The following BNIP3 variants were observed in gnomAD, a reference collection of about 807,000 sequenced individuals.
BNIP3 encodes the protein BCL2 interacting protein 3, also known as BCL2/adenovirus E1B 19 kDa protein-interacting protein 3.
In BNIP3, 16 loss-of-function variants were observed where a neutral mutation model predicts 23.9. That is an observed-to-expected ratio of 0.67 (90% confidence interval 0.45 to 1.01). The LOEUF (loss-of-function observed/expected upper bound fraction) is 1.01, where lower values mean the gene tolerates loss of function less well. Ranked by LOEUF, BNIP3 falls within the 50% of genes least tolerant of loss-of-function variation. The probability of loss-of-function intolerance (pLI) is 0.00; values close to 1 mark genes in which losing one functional copy is unlikely to be tolerated. For synonymous variants in BNIP3, 81 were observed against 89.3 expected, an observed-to-expected ratio of 0.91 and a Z score of 0.53; for missense variants, 198 against 248.7, an observed-to-expected ratio of 0.80 and a Z score of 1.37.
At chr10:131,973,141 G>A (rs761672169) in intron 2 of BNIP3, 23 bp from the exon 3 acceptor site, 23 of 1,605,530 alleles carry the variant, frequency 1.4e-5, no homozygotes, top group Non-Finnish European at 2.0e-5. Flanking sequence ...AATAGAATGG[G>A]AAAAACAGAA....
chr10:131,972,933 A>C, intron 3 of BNIP3, 101 bp downstream of exon 3: 2 of 1,219,974 alleles, frequency 1.6e-6, no homozygotes, highest in Non-Finnish European at 2.3e-6. Context: ...ACACCCTTAA[A>C]GCCCGACTTT....
intron 3 of BNIP3, among the ~76,000 whole-genome samples, chr10:131,972,747 C>T (rs1313392875): frequency 6.6e-6 from 1 of 152,222 alleles, no homozygotes; most frequent in Non-Finnish European, 1.5e-5. Context: ...GGGAGCCCTT[C>T]CTCCTTTCCG....
In BNIP3 at chr10:131,970,721, C is replaced by T. The variant is rs768438433; in HGVS notation, c.456G>A (p.Lys152=). The change falls in exon 5 of 6, where the codon AAG becomes AAA. Residue 152 remains lysine, a synonymous_variant. Transcript: ENST00000368636. The surrounding 1 kb of genome is among the most constrained non-coding windows in gnomAD (Gnocchi z 4.1). ...ATTCTGCAGAGAATATGCCCCCTTT[C>T]TTCATGACGCTCGTGTTCCTCATGC... The part of the protein sequence containing the change: ...TLSMRNTSVM[K]KGGIFSAEFL... 6.2e-7 allele frequency: 1 copy of T among 1,614,226 alleles called. No individual in the cohort carries two copies.
chr10:131,976,084 C>G lies in BNIP3; in HGVS notation c.47-2141G>C, dbSNP rs45482892. Among the ~76,000 whole-genome samples the G allele has an allele frequency of 6.6e-6, 1 of 152,216 alleles. No homozygotes were observed. The highest frequency in any genetic ancestry group is 1.5e-5 in the Non-Finnish European group (1 of 68,032). ...CCTCTCTGCGGTTCAAGATGCCATGCGGCCGGCTAGCCATGGCCTGCCCCT... is the reference window on the plus strand; with the variant it reads ...CCTCTCTGCGGTTCAAGATGCCATGGGGCCGGCTAGCCATGGCCTGCCCCT... On this transcript the variant is annotated intron_variant, in intron 1 of 5. Coordinates refer to ENST00000368636, the MANE Select transcript of BNIP3 (RefSeq NM_004052.4). The surrounding 1 kb of genome is among the most constrained non-coding windows in gnomAD (Gnocchi z 4.3).
chr10:131,974,926 C>T (rs1028501786), intron 1 of BNIP3, among the ~76,000 whole-genome samples: 4 of 152,176 alleles, frequency 2.6e-5, no homozygotes, highest in Non-Finnish European at 5.9e-5. Flanking sequence ...GCTAAAAGTG[C>T]AATTCTGGGA....
chr10:131,970,849 T>C lies in BNIP3; in HGVS notation c.389+15A>G. On this transcript the variant is annotated intron_variant, in intron 4 of 5. Transcript: ENST00000368636. This position sits in a 1 kb window ranked among gnomAD's most constrained non-coding sequence, Gnocchi z 4.1. ...CTGTCAAGGGGTGCCCCCGTGACAC[T>C]GAGAACACACTCACTTGGGGGGAAT... 6.2e-7 allele frequency: 1 copy of C among 1,614,172 alleles called. No individual in the cohort carries two copies.
chr10:131,973,232 C>G, intron 2 of BNIP3, 114 bp from the exon 3 acceptor site: 1 of 1,059,546 alleles, frequency 9.4e-7, no homozygotes, highest in Non-Finnish European at 1.4e-6. Flanking sequence ...TCTAGCCAGT[C>G]AGCGTACGCG....
At chr10:131,979,019 C>G (rs899040161) in intron 1 of BNIP3, among the ~76,000 whole-genome samples, 5 of 152,178 alleles carry the variant, frequency 3.3e-5, no homozygotes, top group Non-Finnish European at 7.3e-5. Context: ...CAACGGGGCT[C>G]GTTTCCCTCC....
intron 1 of BNIP3, 110 bp downstream of exon 1, chr10:131,981,651 C>T: frequency 1.6e-6 from 2 of 1,268,784 alleles, no homozygotes; most frequent in Non-Finnish European, 2.0e-6. Context: ...CTCGCCCGGC[C>T]CGCGATGCCC....
intron 1 of BNIP3, among the ~76,000 whole-genome samples, chr10:131,981,557 C>T (rs576848123): frequency 1.3e-5 from 2 of 152,346 alleles, no homozygotes; most frequent in South Asian, 2.1e-4. Context: ...AGGCCGCGAA[C>T]CCCGGGCAGT....
At chr10:131,979,528 C>T (rs1029240754) in intron 1 of BNIP3, among the ~76,000 whole-genome samples, 5 of 152,140 alleles carry the variant, frequency 3.3e-5, no homozygotes, top group African/African-American at 7.2e-5. Flanking sequence ...CCCCCGCCAC[C>T]GTGACACGGT....
In BNIP3 at chr10:131,976,131, C is replaced by T. The variant is rs1296004734; in HGVS notation, c.47-2188G>A. On this transcript the variant is annotated intron_variant, in intron 1 of 5. Coordinates refer to ENST00000368636, the MANE Select transcript of BNIP3 (RefSeq NM_004052.4). This position sits in a 1 kb window ranked among gnomAD's most constrained non-coding sequence, Gnocchi z 4.3. ...CCCTGAGAGAACGGCACCACAGCCT[C>T]TGTTTTGGCCAGCTGTCTTTCTCCG... Among the ~76,000 whole-genome samples the T allele has an allele frequency of 2.0e-5, 3 of 152,224 alleles. No homozygotes were observed. The highest frequency in any genetic ancestry group is 4.4e-5 in the Non-Finnish European group (3 of 68,040).
At chr10:131,971,082 C>A in intron 3 of BNIP3, 112 bp from the exon 4 acceptor site, 1 of 980,224 alleles carries the variant, frequency 1.0e-6, no homozygotes, top group Non-Finnish European at 1.5e-6. Flanking sequence ...AGCCCAGAGG[C>A]ACATGTCAGT....
intron 2 of BNIP3, chr10:131,973,512 G>T: frequency 2.0e-6 from 1 of 510,750 alleles, no homozygotes. Flanking sequence ...CAGCCCCGCT[G>T]AGGCGCGTGA....
intron 3 of BNIP3, among the ~76,000 whole-genome samples, chr10:131,972,082 T>TAA (rs144450751): frequency 0.019 from 2,843 of 152,288 alleles, 94 homozygotes; most frequent in African/African-American, 0.064. Flanking sequence ...CTGCCAGATA[T>TAA]AACTGAGCAA....
chr10:131,970,775 A>G lies in BNIP3; in HGVS notation c.402T>C (p.Phe134=), dbSNP rs755572711. The change falls in exon 5 of 6, where the codon TTT becomes TTC. Residue 134 remains phenylalanine (F), a synonymous_variant. Coordinates refer to ENST00000368636, the MANE Select transcript of BNIP3 (RefSeq NM_004052.4). The surrounding 1 kb of genome is among the most constrained non-coding windows in gnomAD (Gnocchi z 4.1). The stretch of plus-strand genomic sequence containing the variant: ...GGGTGGCCGTGCGCTTCGGGTGTTT[A>G]AAGAGGAACTCCCTGAGGCGGGAAG... ...PENIPPKEFL[F]KHPKRTATLS... 1.2e-6 allele frequency: 2 copies of G among 1,614,168 alleles called. No homozygotes were observed. The highest frequency in any genetic ancestry group is 2.2e-5 in the South Asian group (2 of 91,080).
chr10:131,974,081 C>T, intron 1 of BNIP3, 138 bp from the exon 2 acceptor site: 1 of 1,115,436 alleles, frequency 9.0e-7, no homozygotes, highest in Non-Finnish European at 1.3e-6. Context: ...TCAACCCCGA[C>T]TTGAAGACAT....
At chr10:131,981,408 G>A (rs1318778554) in intron 1 of BNIP3, 1 of 348,006 alleles carries the variant, frequency 2.9e-6, no homozygotes, top group Admixed American at 4.8e-5. Context: ...GGAGGGCAAC[G>A]TGGACTTTGA....
rs2037080394 is a variant in BNIP3 at position 131,976,749 on chromosome 10, G to A, written c.47-2806C>T. ...GTCCCCTCCCCTCCTAGGAGGGGCT[G>A]CCCTGGGAATTTCTACCTCAAGTAA... On this transcript the variant is annotated intron_variant, in intron 1 of 5. Coordinates refer to ENST00000368636, the MANE Select transcript of BNIP3 (RefSeq NM_004052.4). This position sits in a 1 kb window ranked among gnomAD's most constrained non-coding sequence, Gnocchi z 4.3. Among the ~76,000 whole-genome samples the A allele has an allele frequency of 6.6e-6, 1 of 151,940 alleles. No individual in the cohort carries two copies. The highest frequency in any genetic ancestry group is 2.1e-4 in the South Asian group (1 of 4,826).
Sources: gnomAD v4.1 joint callset for allele counts (sites outside exome capture counted in the v4.1 genomes callset) on GRCh38, gnomAD v4.1.1 for gene constraint, Gnocchi (gnomAD v3.1) non-coding constraint, MANE v1.5 for transcripts, NCBI Gene and HGNC (gene_info 2026-07-23, HGNC 2026-07-21) for gene names.